TEX9: variants seen among roughly 807,000 people sequenced by gnomAD.
The protein encoded by TEX9 is testis expressed 9.
In TEX9, 74 loss-of-function variants were observed where a neutral mutation model predicts 59.6. That is an observed-to-expected ratio of 1.24 (90% CI 1.03 to 1.51). TEX9 has a LOEUF of 1.51. Among genes scored for constraint, TEX9 ranks in the 40% most tolerant of loss-of-function variants. The probability of loss-of-function intolerance (pLI) is 0.00; values close to 1 mark genes in which losing one functional copy is unlikely to be tolerated. For missense variants in TEX9, 522 were observed against 447.8 expected (o/e 1.17, Z -1.49); for synonymous variants, 186 against 152.2 (o/e 1.22, Z -1.64).
intron 1 of TEX9, among the ~76,000 whole-genome samples, chr15:56,347,814 G>A (rs1431270294): frequency 1.3e-5 from 2 of 151,992 alleles, no homozygotes; most frequent in Non-Finnish European, 2.9e-5. Flanking sequence ...TATGTTAAGA[G>A]GGTGAAAATA....
chr15:56,269,338 C>G (rs62045713), intron 1 of TEX9, among the ~76,000 whole-genome samples: 1 of 152,142 alleles, frequency 6.6e-6, no homozygotes, highest in South Asian at 2.1e-4. Context: ...CTGCTCTGAT[C>G]TTGGTTATTT....
At chr15:56,292,861 G>A (rs2045128678) in intron 1 of TEX9, among the ~76,000 whole-genome samples, 1 of 152,132 alleles carries the variant, frequency 6.6e-6, no homozygotes, top group Non-Finnish European at 1.5e-5. Context: ...AGATCTTCCT[G>A]TGGGATCAGG....
chr15:56,267,786 G>A (rs143126907), intron 1 of TEX9, among the ~76,000 whole-genome samples: 110 of 152,204 alleles, frequency 7.2e-4, no homozygotes, highest in African/African-American at 2.5e-3. Flanking sequence ...TGTTCTTTTT[G>A]CTTAGGATTG....
At chr15:56,433,379 TAACA>T (rs1221746157) in intron 12 of TEX9, among the ~76,000 whole-genome samples, 2 of 151,360 alleles carry the variant, frequency 1.3e-5, no homozygotes, top group African/African-American at 4.9e-5. Context: ...TATACCTGTG[TAACA>T]AACCTGCATG....
chr15:56,315,509 C>G (rs1161891357), intron 1 of TEX9, among the ~76,000 whole-genome samples: 2 of 150,400 alleles, frequency 1.3e-5, no homozygotes, highest in Non-Finnish European at 3.0e-5. Context: ...AGGGTTTCTG[C>G]CGAGAGATCC....
At chr15:56,276,169 TA>T (rs1230057237) in intron 1 of TEX9, among the ~76,000 whole-genome samples, 15 of 152,304 alleles carry the variant, frequency 9.8e-5, no homozygotes, top group African/African-American at 3.6e-4. Context: ...TTTAGTTTTT[TA>T]TTTTATTTTA....
intron 1 of TEX9, among the ~76,000 whole-genome samples, chr15:56,358,673 A>T (rs1460660617): frequency 6.6e-6 from 1 of 152,102 alleles, no homozygotes; most frequent in African/African-American, 2.4e-5. Context: ...GGTTTGGTCC[A>T]GTATGTCACT....
At chr15:56,336,201 T>C (rs2046253589) in intron 1 of TEX9, among the ~76,000 whole-genome samples, 1 of 152,136 alleles carries the variant, frequency 6.6e-6, no homozygotes, top group Non-Finnish European at 1.5e-5. Context: ...TTGTCTTAGG[T>C]TGGGTTTCTG....
chr15:56,419,001 A>G (rs1341902461), intron 10 of TEX9, among the ~76,000 whole-genome samples: 1 of 151,926 alleles, frequency 6.6e-6, no homozygotes, highest in Non-Finnish European at 1.5e-5. Context: ...GAAAATTGAC[A>G]TCTTAATAGC....
At chr15:56,280,062 G>C (rs920641162) in intron 1 of TEX9, among the ~76,000 whole-genome samples, 1 of 152,182 alleles carries the variant, frequency 6.6e-6, no homozygotes, top group Admixed American at 6.6e-5. Context: ...AGATGATTTT[G>C]CCCAAACATA....
intron 1 of TEX9, among the ~76,000 whole-genome samples, chr15:56,344,944 C>A (rs1259444640): frequency 6.6e-6 from 1 of 151,388 alleles, no homozygotes; most frequent in Non-Finnish European, 1.5e-5. Flanking sequence ...GTTACTATTA[C>A]CCCAACTCAG....
At chr15:56,414,858 A>C (rs1421781413) in intron 10 of TEX9, among the ~76,000 whole-genome samples, 1 of 151,744 alleles carries the variant, frequency 6.6e-6, no homozygotes, top group African/African-American at 2.4e-5. Context: ...CACTCCCACC[A>C]AGTGTATAAG....
At chr15:56,251,072 T>C (rs1567062178) in intron 1 of TEX9, among the ~76,000 whole-genome samples, 1 of 152,132 alleles carries the variant, frequency 6.6e-6, no homozygotes, top group Non-Finnish European at 1.5e-5. Flanking sequence ...TCTTATGAAG[T>C]GGGCCAACCT....
At chr15:56,292,575 T>G (rs1228228675) in intron 1 of TEX9, among the ~76,000 whole-genome samples, 2 of 152,068 alleles carry the variant, frequency 1.3e-5, no homozygotes, top group Non-Finnish European at 2.9e-5. Context: ...CTGGAAATGT[T>G]TGTCAATGGG....
At chr15:56,373,868 C>A (rs1278593266) in intron 3 of TEX9, among the ~76,000 whole-genome samples, 1 of 152,008 alleles carries the variant, frequency 6.6e-6, no homozygotes, top group Admixed American at 6.6e-5. Flanking sequence ...TACTTTCTAT[C>A]CTCCCTATGC....
intron 4 of TEX9, among the ~76,000 whole-genome samples, chr15:56,386,795 G>C (rs1352210486): frequency 6.6e-6 from 1 of 151,704 alleles, no homozygotes; most frequent in Admixed American, 6.6e-5. Flanking sequence ...TGATGATGAC[G>C]CTCTGTTTAC....
At position 56,443,503 on chromosome 15, in the gene TEX9, C is replaced by T. The variant is rs111585871; in HGVS notation, c.*30-2168C>T. 3.6e-5 allele frequency: 57 copies of T among 1,600,740 alleles called. No homozygotes were observed. Among genetic ancestry groups the T allele is most frequent in the Admixed American group, 5.2e-5 (3 of 57,518 alleles). On this transcript the variant is annotated intron_variant, in intron 12 of 12. Coordinates refer to ENST00000352903, the Ensembl canonical transcript of TEX9. ...TTGTCGCACTTGTTCCAAATCTTCA[C>T]GTTGCCGCAGCATTTCTTCTAATTT...
chr15:56,300,685 C>CAGAGAGAGAGAGAGAGAG (rs71110380), intron 1 of TEX9, among the ~76,000 whole-genome samples: 1 of 115,636 alleles, frequency 8.6e-6, no homozygotes, highest in Non-Finnish European at 1.7e-5. Flanking sequence ...AGCAACTCAG[C>CAGAGAGAGAGAGAGAGAG]AGAGAGAGAG....
At chr15:56,350,081 G>A (rs561970860) in intron 1 of TEX9, among the ~76,000 whole-genome samples, 1 of 152,132 alleles carries the variant, frequency 6.6e-6, no homozygotes, top group Admixed American at 6.6e-5. Flanking sequence ...ATATTGTAGT[G>A]AAATTACTTA....
Sources: allele counts gnomAD v4.1 joint callset (sites outside exome capture counted in the v4.1 genomes callset), GRCh38; gene constraint gnomAD v4.1.1; transcripts MANE v1.5; gene names NCBI Gene and HGNC (gene_info 2026-07-23, HGNC 2026-07-21).